The following BACH2 variants were observed in gnomAD, a reference collection of about 807,000 sequenced individuals.
BACH2 encodes transcription regulator protein BACH2.
A neutral mutation model predicts 61.8 loss-of-function variants in BACH2; 5 were observed. The ratio of observed to expected loss-of-function variants is 0.08; its 90% confidence interval spans 0.04 to 0.17. The LOEUF (loss-of-function observed/expected upper bound fraction) is 0.17, where lower values mean the gene tolerates loss of function less well. Among genes scored for constraint, BACH2 ranks in the 10% least tolerant of loss-of-function variants. The pLI, the probability that BACH2 is intolerant of heterozygous loss-of-function variation, is 1.00. For missense variants in BACH2, 824 were observed against 1,091.1 expected (o/e 0.76, Z 3.45); for synonymous variants, 446 against 440.1 (o/e 1.01, Z -0.17).
chr6:90,279,904 C>G lies in BACH2; in HGVS notation c.-445-7963G>C, dbSNP rs139724555. On this transcript the variant is annotated intron_variant, in intron 1 of 8. Coordinates refer to ENST00000257749, the MANE Select transcript of BACH2 (RefSeq NM_021813.4). ...AAGATTAAATGAATCATGGATTCCA[C>G]TTGAACTTCATCAGTTAAAAGGATA... Among the ~76,000 whole-genome samples, 123 of 152,240 alleles carry G rather than the reference C, an allele frequency of 8.1e-4. 1 individual carries two copies. Among genetic ancestry groups the G allele is most frequent in the African/African-American group, 2.7e-3 (113 of 41,534 alleles).
rs1027046441 is a variant in BACH2, at chr6:90,292,058, A to C, written c.-446+4422T>G. ...TACATTTTATATTGTTCTCTGTTCT[A>C]TGTGAGGGCAGGGACCATGTTCTCT... On this transcript the variant is annotated intron_variant, in intron 1 of 8. Coordinates refer to ENST00000257749, the MANE Select transcript of BACH2 (RefSeq NM_021813.4). Among the ~76,000 whole-genome samples, 4 of 152,298 alleles carry C rather than the reference A, an allele frequency of 2.6e-5. No homozygotes were observed. The East Asian group carries it at 7.7e-4, about 29-fold the overall frequency.
At chr6:90,138,059 CA>C (rs1784337437) in intron 4 of BACH2, among the ~76,000 whole-genome samples, 7 of 148,482 alleles carry the variant, frequency 4.7e-5, no homozygotes, top group Admixed American at 4.7e-4. Context: ...ATAAAACACA[CA>C]CACACACACA....
chr6:90,085,300 A>G (rs1781887458), intron 5 of BACH2, among the ~76,000 whole-genome samples: 1 of 152,184 alleles, frequency 6.6e-6, no homozygotes, highest in Admixed American at 6.5e-5. Flanking sequence ...CTGCGCTGGA[A>G]TCTACGGGAA....
At chr6:89,933,656 T>C (rs292253) in intron 8 of BACH2, among the ~76,000 whole-genome samples, 58,609 of 151,880 alleles carry the variant, frequency 0.39, 11,522 homozygotes, top group Middle Eastern at 0.48. Flanking sequence ...CTGTATAGTG[T>C]GTTCAGTTTT....
intron 4 of BACH2, among the ~76,000 whole-genome samples, chr6:90,203,199 C>T (rs895755186): frequency 6.6e-6 from 1 of 151,512 alleles, no homozygotes; most frequent in Non-Finnish European, 1.5e-5. Flanking sequence ...TTGCTTGAGT[C>T]CAGGGGTTCC....
chr6:89,969,546 A>C (rs961960328), intron 6 of BACH2, among the ~76,000 whole-genome samples: 1 of 152,136 alleles, frequency 6.6e-6, no homozygotes, highest in East Asian at 1.9e-4. Context: ...GGGGACAGAG[A>C]GCGCAGCACC....
chr6:90,106,588 C>T (rs182807371), intron 4 of BACH2, among the ~76,000 whole-genome samples: 1 of 152,244 alleles, frequency 6.6e-6, no homozygotes, highest in East Asian at 1.9e-4. Flanking sequence ...GATGAGACTG[C>T]CTAATGACGT....
intron 3 of BACH2, among the ~76,000 whole-genome samples, chr6:90,240,691 C>A (rs187757213): frequency 2.9e-4 from 44 of 152,158 alleles, no homozygotes; most frequent in Admixed American, 2.6e-3. Flanking sequence ...AACATTTAAT[C>A]CTCAACATGT....
chr6:90,051,817 G>A (rs529397745), intron 5 of BACH2, among the ~76,000 whole-genome samples: 38 of 151,906 alleles, frequency 2.5e-4, no homozygotes, highest in Middle Eastern at 3.4e-3. Context: ...ATAAAAATAA[G>A]AAAAACACTT....
intron 2 of BACH2, among the ~76,000 whole-genome samples, chr6:90,253,532 A>G (rs1770879812): frequency 6.6e-6 from 1 of 152,114 alleles, no homozygotes; most frequent in African/African-American, 2.4e-5. Context: ...GTCTTGCTCA[A>G]CTCTACCAAT....
chr6:90,208,411 T>C (rs538317168), intron 3 of BACH2, among the ~76,000 whole-genome samples: 113 of 152,272 alleles, frequency 7.4e-4, no homozygotes, highest in Non-Finnish European at 1.4e-3. Flanking sequence ...CAGACACTTC[T>C]CAAAAGAAGA....
intron 6 of BACH2, among the ~76,000 whole-genome samples, chr6:89,987,863 G>A (rs184902891): frequency 5.3e-5 from 8 of 152,246 alleles, no homozygotes; most frequent in African/African-American, 1.9e-4. Context: ...CCCAACACGT[G>A]TTATGGTTCT....
chr6:90,284,364 T>C (rs1185723591), intron 1 of BACH2, among the ~76,000 whole-genome samples: 2 of 152,236 alleles, frequency 1.3e-5, no homozygotes, highest in Non-Finnish European at 2.9e-5. Flanking sequence ...ACTCTGCTGT[T>C]TCCTCTGACT....
chr6:89,965,131 C>A (rs1176996929), intron 6 of BACH2, among the ~76,000 whole-genome samples: 1 of 152,226 alleles, frequency 6.6e-6, no homozygotes. Context: ...AAGTAATCCA[C>A]CCGCCTGGGC....
At chr6:89,982,095 C>A (rs527503946) in intron 6 of BACH2, among the ~76,000 whole-genome samples, 1 of 152,200 alleles carries the variant, frequency 6.6e-6, no homozygotes, top group East Asian at 1.9e-4. Flanking sequence ...CTCAGCCTCC[C>A]AAAGTGTTGG....
intron 4 of BACH2, among the ~76,000 whole-genome samples, chr6:90,136,785 C>T (rs1784283921): frequency 6.6e-6 from 1 of 150,516 alleles, no homozygotes; most frequent in African/African-American, 2.4e-5. Flanking sequence ...CAAATGTGAA[C>T]ATAACAGCCA....
intron 3 of BACH2, among the ~76,000 whole-genome samples, chr6:90,243,304 G>C (rs913267709): frequency 2.6e-5 from 4 of 151,660 alleles, no homozygotes; most frequent in Non-Finnish European, 5.9e-5. Context: ...TTAAGAAGGT[G>C]ACTATGATCT....
chr6:89,972,073 AAG>A (rs1775391466), intron 6 of BACH2, among the ~76,000 whole-genome samples: 1 of 152,166 alleles, frequency 6.6e-6, no homozygotes, highest in African/African-American at 2.4e-5. Context: ...GCAAAGACCT[AAG>A]AGAGAACATA....
intron 6 of BACH2, among the ~76,000 whole-genome samples, chr6:89,983,286 C>T (rs983837624): frequency 6.6e-6 from 1 of 152,196 alleles, no homozygotes; most frequent in Non-Finnish European, 1.5e-5. Context: ...ACTATGTGCT[C>T]AGCTCTGTGA....
Sources: allele counts gnomAD v4.1 joint callset (sites outside exome capture counted in the v4.1 genomes callset), GRCh38; gene constraint gnomAD v4.1.1; transcripts MANE v1.5; gene names NCBI Gene and HGNC (gene_info 2026-07-23, HGNC 2026-07-21).